Variants in CALN1 observed in about 807,000 individuals in gnomAD.
CALN1 encodes calneuron 1, also known as calcium-binding protein 8.
In CALN1, 17 loss-of-function variants were observed where a neutral mutation model predicts 30.6. The ratio of observed to expected loss-of-function variants is 0.56; its 90% confidence interval spans 0.38 to 0.83. The LOEUF (loss-of-function observed/expected upper bound fraction) is 0.83, where lower values mean the gene tolerates loss of function less well. Among genes scored for constraint, CALN1 ranks in the 40% least tolerant of loss-of-function variants. The pLI is 0.00. For missense variants in CALN1, 291 were observed against 354.9 expected (o/e 0.82, Z 1.45); for synonymous variants, 156 against 131.4 (o/e 1.19, Z -1.28).
chr7:72,241,700 C>G (rs939126680), intron 3 of CALN1, among the ~76,000 whole-genome samples: 6 of 151,980 alleles, frequency 3.9e-5, no homozygotes, highest in African/African-American at 1.4e-4. Context: ...GAGTGAAACT[C>G]CATCTCAAAA....
At chr7:71,837,653 A>C (rs1174576390) in intron 5 of CALN1, among the ~76,000 whole-genome samples, 3 of 152,222 alleles carry the variant, frequency 2.0e-5, no homozygotes, top group Non-Finnish European at 4.4e-5. Context: ...GAAAGTGCAC[A>C]TAGGCCCTGA....
intron 3 of CALN1, among the ~76,000 whole-genome samples, chr7:72,213,832 T>C (rs1330227160): frequency 6.6e-6 from 1 of 152,140 alleles, no homozygotes; most frequent in Non-Finnish European, 1.5e-5. Flanking sequence ...CCTGCATTAT[T>C]GGGTTATGCA....
chr7:72,481,551 T>C, the CALN1 span, among the ~76,000 whole-genome samples: 2 of 152,140 alleles, frequency 1.3e-5, no homozygotes, highest in African/African-American at 4.8e-5. Context: ...TGTCTCAAGG[T>C]GGAAGCTTAG....
At chr7:71,898,785 T>C (rs940435526) in intron 5 of CALN1, among the ~76,000 whole-genome samples, 16 of 152,124 alleles carry the variant, frequency 1.1e-4, no homozygotes, top group African/African-American at 3.4e-4. Context: ...GGCTGACAGA[T>C]TGCCCTCAAG....
At chr7:71,994,708 G>A (rs188677308) in intron 5 of CALN1, among the ~76,000 whole-genome samples, 86 of 152,184 alleles carry the variant, frequency 5.7e-4, no homozygotes, top group African/African-American at 1.9e-3. Flanking sequence ...GGAGAAAGAT[G>A]AGTTGCCAGT....
At chr7:71,818,432 G>A (rs1473176414) in intron 5 of CALN1, among the ~76,000 whole-genome samples, 1 of 152,122 alleles carries the variant, frequency 6.6e-6, no homozygotes, top group Non-Finnish European at 1.5e-5. Context: ...CCAGGAGAAG[G>A]TGGGAAGGAA....
intron 4 of CALN1, among the ~76,000 whole-genome samples, chr7:72,078,054 T>C (rs1353931631): frequency 6.6e-6 from 1 of 152,182 alleles, no homozygotes; most frequent in Non-Finnish European, 1.5e-5. Flanking sequence ...TCCCGGCTAA[T>C]GACTAGGTAT....
chr7:72,098,892 T>C (rs184131840), intron 4 of CALN1, among the ~76,000 whole-genome samples: 1 of 151,796 alleles, frequency 6.6e-6, no homozygotes. Context: ...CCCCTGGGAA[T>C]GTCTGGATGG....
Position 72,314,354 on chromosome 7 carries a change from T to TAC in CALN1, c.120-35545_120-35544insGT, listed in dbSNP as rs1318791316. Among the ~76,000 whole-genome samples, 755 of 80,994 alleles carry TAC rather than the reference T, an allele frequency of 9.3e-3. 7 individuals are homozygous for TAC. Among genetic ancestry groups the TAC allele is most frequent in the African/African-American group, 0.042 (690 of 16,468 alleles). 53.1% of individuals were successfully genotyped at this position (80,994 alleles called of 152,430 possible). A position where few individuals can be genotyped will look rare whatever the true frequency, so the allele number is the denominator to read the frequency against. On this transcript the variant is annotated intron_variant, in intron 2 of 6. Transcript: ENST00000395275. ...CTATGTTAACATATATATATACATATATATACATATACATATATACACATA... is the reference window on the plus strand; with the variant it reads ...CTATGTTAACATATATATATACATATACATATACATATACATATATACACATA...
chr7:71,830,008 T>C (rs1789165503), intron 5 of CALN1, among the ~76,000 whole-genome samples: 1 of 151,382 alleles, frequency 6.6e-6, no homozygotes, highest in Non-Finnish European at 1.5e-5. Flanking sequence ...TTTTTCTATG[T>C]GTGTATGTGT....
chr7:71,892,970 G>A (rs909394758), intron 5 of CALN1, among the ~76,000 whole-genome samples: 3 of 152,036 alleles, frequency 2.0e-5, no homozygotes, highest in Admixed American at 6.6e-5. Context: ...GGTGTGATGT[G>A]TCCAAGTAAA....
intron 5 of CALN1, chr7:71,942,280 C>A: frequency 4.8e-6 from 1 of 206,928 alleles, no homozygotes. Flanking sequence ...CCACGTGCAG[C>A]CTATCAAGCT....
At chr7:72,208,688 T>C (rs947947434) in intron 3 of CALN1, among the ~76,000 whole-genome samples, 11 of 152,292 alleles carry the variant, frequency 7.2e-5, no homozygotes, top group Admixed American at 6.5e-4. Flanking sequence ...TATTAATTTG[T>C]AATGGGAAAA....
At chr7:72,411,729 A>G (rs1035662854) in intron 1 of CALN1, among the ~76,000 whole-genome samples, 1 of 152,124 alleles carries the variant, frequency 6.6e-6, no homozygotes, top group Non-Finnish European at 1.5e-5. Flanking sequence ...CAATCACCAA[A>G]TATGGTACAA....
chr7:71,888,618 G>C (rs927399662), intron 5 of CALN1, among the ~76,000 whole-genome samples: 1 of 152,118 alleles, frequency 6.6e-6, no homozygotes, highest in African/African-American at 2.4e-5. Flanking sequence ...CAGGGAAGGA[G>C]GCATCAATAA....
At chr7:72,075,282 T>A (rs2129538323) in intron 4 of CALN1, among the ~76,000 whole-genome samples, 1 of 152,312 alleles carries the variant, frequency 6.6e-6, no homozygotes, top group Admixed American at 6.5e-5. Context: ...TAAAGCACCC[T>A]CACAGCAACA....
At chr7:72,339,577 G>C (rs1459285657) in intron 2 of CALN1, among the ~76,000 whole-genome samples, 2 of 152,158 alleles carry the variant, frequency 1.3e-5, no homozygotes, top group Non-Finnish European at 2.9e-5. Context: ...GTCAGGAAAT[G>C]TTTTTGTTCC....
At chr7:72,370,879 C>G (rs909281658) in intron 2 of CALN1, among the ~76,000 whole-genome samples, 4 of 151,738 alleles carry the variant, frequency 2.6e-5, no homozygotes, top group Non-Finnish European at 5.9e-5. Context: ...AGCCGCATCT[C>G]TACTAAAAAT....
chr7:71,803,497 CAG>C (rs1225358993), intron 6 of CALN1, among the ~76,000 whole-genome samples: 2 of 152,000 alleles, frequency 1.3e-5, no homozygotes, highest in Non-Finnish European at 2.9e-5. Flanking sequence ...CTTTTTTTGG[CAG>C]AGTCTTGCTC....
Sources: gnomAD v4.1 joint callset for allele counts (sites outside exome capture counted in the v4.1 genomes callset) on GRCh38, gnomAD v4.1.1 for gene constraint, MANE v1.5 for transcripts, NCBI Gene and HGNC (gene_info 2026-07-23, HGNC 2026-07-21) for gene names.